The following FOXK2 variants were observed in gnomAD, a reference collection of about 807,000 sequenced individuals.
FOXK2 encodes forkhead box K2, also known as forkhead box protein K2.
Under a neutral mutation model 53.3 loss-of-function variants are expected in FOXK2, and 24 were observed. The observed-to-expected ratio is 0.45, with a 90% CI of 0.33 to 0.63. The LOEUF is 0.63. Among genes scored for constraint, FOXK2 ranks in the 30% least tolerant of loss-of-function variants. The pLI is 0.03. For synonymous variants in FOXK2, 505 were observed against 407.1 expected, an observed-to-expected ratio of 1.24 and a Z score of -2.89; for missense variants, 952 against 910.5, an observed-to-expected ratio of 1.05 and a Z score of -0.59.
rs576915420 is a variant in FOXK2, at chr17:82,568,269, C to T, written c.762+68C>T. On this transcript the variant is annotated intron_variant, in intron 3 of 8. Transcript: ENST00000335255. Reference sequence around the variant, plus strand: ...TGTAGCCACAGGGCCCTCAATGTCACCTGCCTGTCACTCACCTGCCTGTCC... The same window carrying T: ...TGTAGCCACAGGGCCCTCAATGTCATCTGCCTGTCACTCACCTGCCTGTCC... 90 of 1,567,312 alleles carry T rather than the reference C, an allele frequency of 5.7e-5. No homozygotes were observed. In the African/African-American group the frequency reaches 1.0e-3, roughly 18 times the overall value.
At chr17:82,550,529 G>A (rs1323608571) in intron 1 of FOXK2, among the ~76,000 whole-genome samples, 39 of 145,230 alleles carry the variant, frequency 2.7e-4, no homozygotes, top group Admixed American at 2.3e-3. Flanking sequence ...TTGAGATGGA[G>A]TCTTGCTCTG....
intron 1 of FOXK2, among the ~76,000 whole-genome samples, chr17:82,551,674 A>G (rs1203341308): frequency 1.3e-5 from 2 of 152,152 alleles, no homozygotes; most frequent in East Asian, 3.9e-4. Context: ...GAGCGAGTCT[A>G]TCTAAAAAAT....
chr17:82,576,869 A>T, intron 4 of FOXK2: 1 of 514,228 alleles, frequency 1.9e-6, no homozygotes, highest in South Asian at 2.1e-5. Context: ...TACCAAAAAA[A>T]TGTATGCAGG....
chr17:82,555,507 T>C (rs11651563), intron 1 of FOXK2, among the ~76,000 whole-genome samples: 7,316 of 152,244 alleles, frequency 0.048, 197 homozygotes, highest in African/African-American at 0.07. Flanking sequence ...AGTTTTAATG[T>C]ATCTTGTTTC....
At chr17:82,527,394 C>T (rs929784226) in intron 1 of FOXK2, among the ~76,000 whole-genome samples, 4 of 152,002 alleles carry the variant, frequency 2.6e-5, no homozygotes, top group African/African-American at 9.7e-5. Context: ...TTTGGGAAGC[C>T]GAGACAGGTG....
chr17:82,559,392 G>A (rs760147565), intron 1 of FOXK2: 1 of 456,364 alleles, frequency 2.2e-6, no homozygotes, highest in Non-Finnish European at 4.4e-6. Flanking sequence ...AGCAGAGATG[G>A]CGGAGCCACT....
intron 4 of FOXK2, among the ~76,000 whole-genome samples, chr17:82,579,074 AG>A (rs142151723): frequency 0.083 from 12,635 of 152,264 alleles, 705 homozygotes; most frequent in Middle Eastern, 0.13. Flanking sequence ...GTCCCCGCTT[AG>A]GAGGACTGGT....
At chr17:82,560,079 C>T (rs1425968579) in intron 1 of FOXK2, among the ~76,000 whole-genome samples, 2 of 148,370 alleles carry the variant, frequency 1.3e-5, no homozygotes, top group South Asian at 2.1e-4. Flanking sequence ...GATCTCGGCT[C>T]GCTGCAGCCT....
rs1308527283 is a variant in FOXK2, at chr17:82,603,193, G to GA, written c.*1695dup. 6.6e-6 allele frequency: 1 copy of GA among 152,318 alleles called. No individual in the cohort carries two copies. The highest frequency in any genetic ancestry group is 1.5e-5 in the Non-Finnish European group (1 of 68,056). The allele number at this position is 152,318 out of a possible 1,614,324, so 9.4% of individuals were successfully genotyped here. On this transcript the variant is annotated 3_prime_UTR_variant, in exon 9 of 9. Transcript: ENST00000335255. ...AAAAGCAAAACCATCACGTGACTGA[G>GA]ACCGTGTGTGTGACCGCAGCAAAGC...
chr17:82,533,360 C>T (rs2044490315), intron 1 of FOXK2, among the ~76,000 whole-genome samples: 1 of 152,052 alleles, frequency 6.6e-6, no homozygotes, highest in African/African-American at 2.4e-5. Context: ...CATGGTAGCA[C>T]ACGCCTGTAA....
At chr17:82,534,888 C>G (rs1259371935) in intron 1 of FOXK2, among the ~76,000 whole-genome samples, 1 of 152,188 alleles carries the variant, frequency 6.6e-6, no homozygotes, top group Non-Finnish European at 1.5e-5. Flanking sequence ...CTGAAAAACA[C>G]ACATTTTTTG....
At chr17:82,559,300 C>T in intron 1 of FOXK2, 1 of 447,556 alleles carries the variant, frequency 2.2e-6, no homozygotes. Context: ...GCTCGCTGTT[C>T]TTCCCATCTC....
At chr17:82,596,699 C>T (rs1418698031) in intron 8 of FOXK2, among the ~76,000 whole-genome samples, 4 of 152,210 alleles carry the variant, frequency 2.6e-5, no homozygotes, top group Non-Finnish European at 5.9e-5. Context: ...TGTAGGATTC[C>T]TACACCAAGC....
At chr17:82,525,940 A>G (rs9905489) in intron 1 of FOXK2, among the ~76,000 whole-genome samples, 2 of 15,004 alleles carry the variant, frequency 1.3e-4, no homozygotes, top group South Asian at 1.2e-3. Context: ...CTTACGTGGC[A>G]TGAATCCCAC....
At chr17:82,553,337 TG>T (rs2044694826) in intron 1 of FOXK2, among the ~76,000 whole-genome samples, 2 of 152,232 alleles carry the variant, frequency 1.3e-5, no homozygotes, top group South Asian at 4.1e-4. Context: ...GTCAGGAGTC[TG>T]GGGGAAGCAG....
intron 8 of FOXK2, chr17:82,587,689 C>T: frequency 3.5e-6 from 1 of 282,490 alleles, no homozygotes; most frequent in Non-Finnish European, 7.0e-6. Flanking sequence ...CAGAGTCCGT[C>T]CGAGGCCGGT....
intron 1 of FOXK2, among the ~76,000 whole-genome samples, chr17:82,524,077 CAG>C (rs1257008487): frequency 6.6e-6 from 1 of 151,982 alleles, no homozygotes; most frequent in Non-Finnish European, 1.5e-5. Flanking sequence ...TTTGTAGCAA[CAG>C]AGTTTCACCA....
chr17:82,544,643 T>A (rs979729197), intron 1 of FOXK2, among the ~76,000 whole-genome samples: 3 of 152,220 alleles, frequency 2.0e-5, no homozygotes, highest in African/African-American at 7.2e-5. Context: ...TCAGTTTAGG[T>A]CAGAATTGGC....
intron 1 of FOXK2, among the ~76,000 whole-genome samples, chr17:82,526,690 C>T (rs2044421525): frequency 6.6e-6 from 1 of 152,094 alleles, no homozygotes; most frequent in African/African-American, 2.4e-5. Context: ...ATTAGCTGGG[C>T]ATGGTGGCGG....
Sources: allele counts gnomAD v4.1 joint callset (sites outside exome capture counted in the v4.1 genomes callset), GRCh38; gene constraint gnomAD v4.1.1; transcripts MANE v1.5; gene names NCBI Gene and HGNC (gene_info 2026-07-23, HGNC 2026-07-21).